Variants in CAMKMT observed in about 807,000 individuals in gnomAD.
CAMKMT encodes the protein CaM KMT.
Under a neutral mutation model 48.0 loss-of-function variants are expected in CAMKMT, and 53 were observed. The ratio of observed to expected loss-of-function variants is 1.10; its 90% confidence interval spans 0.89 to 1.39. The LOEUF (loss-of-function observed/expected upper bound fraction) is 1.39. Among genes scored for constraint, CAMKMT ranks in the 40% most tolerant of loss-of-function variants. The pLI is 0.00. For missense variants in CAMKMT, 428 were observed against 402.7 expected, an observed-to-expected ratio of 1.06 and a Z score of -0.54; for synonymous variants, 165 against 152.3, an observed-to-expected ratio of 1.08 and a Z score of -0.61.
chr2:44,393,128 A>G (rs73924734), intron 3 of CAMKMT, among the ~76,000 whole-genome samples: 3,167 of 152,262 alleles, frequency 0.021, 116 homozygotes, highest in African/African-American at 0.072. Context: ...ATTCATTGCA[A>G]ATTTTCAGAG....
intron 3 of CAMKMT, among the ~76,000 whole-genome samples, chr2:44,435,728 T>C (rs900201527): frequency 6.6e-6 from 1 of 152,226 alleles, no homozygotes; most frequent in African/African-American, 2.4e-5. Flanking sequence ...GAATGTTTAA[T>C]TTTAAGGTTA....
At chr2:44,474,718 T>C (rs763880758) in intron 3 of CAMKMT, among the ~76,000 whole-genome samples, 2 of 152,206 alleles carry the variant, frequency 1.3e-5, no homozygotes, top group African/African-American at 4.8e-5. Context: ...CCTTCCTCAC[T>C]ATGCCAGACC....
chr2:44,677,890 T>C (rs1427936718), intron 3 of CAMKMT, among the ~76,000 whole-genome samples: 1 of 152,086 alleles, frequency 6.6e-6, no homozygotes, highest in Non-Finnish European at 1.5e-5. Flanking sequence ...AGTCAATGTG[T>C]ATGTGTATTT....
chr2:44,418,559 C>T (rs1326921530), intron 3 of CAMKMT, among the ~76,000 whole-genome samples: 2 of 152,120 alleles, frequency 1.3e-5, no homozygotes, highest in East Asian at 1.9e-4. Context: ...TACCCAAATA[C>T]GTGTTAGTCT....
chr2:44,583,337 A>C (rs1012794578), intron 3 of CAMKMT, among the ~76,000 whole-genome samples: 1 of 152,176 alleles, frequency 6.6e-6, no homozygotes, highest in African/African-American at 2.4e-5. Context: ...GCATTAAGTG[A>C]CCAGTTACAT....
chr2:44,427,955 T>C (rs1067366), intron 3 of CAMKMT, among the ~76,000 whole-genome samples: 108,195 of 151,990 alleles, frequency 0.71, 39,127 homozygotes, highest in South Asian at 0.8. Context: ...GGGGTGAATG[T>C]CTTTGGGCAC....
At chr2:44,401,649 G>C (rs1682385750) in intron 3 of CAMKMT, among the ~76,000 whole-genome samples, 1 of 152,102 alleles carries the variant, frequency 6.6e-6, no homozygotes, top group Admixed American at 6.6e-5. Flanking sequence ...CAAAAAAATG[G>C]CTTGAATAAC....
At chr2:44,403,665 G>A (rs1409189032) in intron 3 of CAMKMT, among the ~76,000 whole-genome samples, 1 of 152,106 alleles carries the variant, frequency 6.6e-6, no homozygotes, top group Admixed American at 6.6e-5. Flanking sequence ...CTAATAGGTA[G>A]ATTCACTCTA....
intron 3 of CAMKMT, among the ~76,000 whole-genome samples, chr2:44,608,711 A>AT (rs1490158727): frequency 6.6e-6 from 1 of 152,088 alleles, no homozygotes; most frequent in South Asian, 2.1e-4. Context: ...AATCCACTGT[A>AT]TTTGGCTGAT....
At chr2:44,364,763 C>T (rs1678410232) in intron 1 of CAMKMT, among the ~76,000 whole-genome samples, 1 of 152,186 alleles carries the variant, frequency 6.6e-6, no homozygotes, top group South Asian at 2.1e-4. Flanking sequence ...CCGACATAGG[C>T]TGTAGTCATC....
Position 44,390,241 on chromosome 2 carries a change from G to T in CAMKMT, c.312G>T (p.Arg104Ser). ...IFCPEYSISL[R>S]HNSGSLNVED... The stretch of plus-strand genomic sequence containing the variant: ...AAGCAAACGCTTTACTCCTTTCTAG[G>T]CATAATAGTGGATCCTTGAATGTTG... The change falls in exon 3 of 11, where the codon AGG (arginine) becomes AGT (serine). Residue 104 changes from arginine (R) to serine (S), a missense_variant and splice_region_variant. By Grantham distance (110) the Arg-to-Ser change is moderately radical. Coordinates refer to ENST00000378494, the MANE Select transcript of CAMKMT (RefSeq NM_024766.5). 6.2e-7 allele frequency: 1 copy of T among 1,604,818 alleles called. No homozygotes were observed. Among genetic ancestry groups the T allele is most frequent in the Non-Finnish European group, 8.5e-7 (1 of 1,176,780 alleles).
chr2:44,578,913 T>G (rs1046659871), intron 3 of CAMKMT, among the ~76,000 whole-genome samples: 1 of 152,200 alleles, frequency 6.6e-6, no homozygotes, highest in African/African-American at 2.4e-5. Flanking sequence ...CTGTTAGCAC[T>G]GATTAAAAGT....
intron 3 of CAMKMT, among the ~76,000 whole-genome samples, chr2:44,692,687 G>A (rs1676729585): frequency 6.9e-6 from 1 of 144,978 alleles, no homozygotes; most frequent in Non-Finnish European, 1.5e-5. Flanking sequence ...TATTCAAGCT[G>A]CACTGTAACT....
chr2:44,600,181 G>A (rs1157275763), intron 3 of CAMKMT, among the ~76,000 whole-genome samples: 2 of 151,968 alleles, frequency 1.3e-5, no homozygotes, highest in Non-Finnish European at 1.5e-5. Flanking sequence ...TTAAAACTCT[G>A]CTCATAATAA....
intron 9 of CAMKMT, among the ~76,000 whole-genome samples, chr2:44,761,141 C>G (rs1330546262): frequency 5.3e-5 from 8 of 152,112 alleles, no homozygotes; most frequent in Non-Finnish European, 1.0e-4. Flanking sequence ...GTAGGGAGGC[C>G]AGAGAAGTCA....
chr2:44,374,078 A>G (rs1005705616), intron 2 of CAMKMT, among the ~76,000 whole-genome samples: 1 of 135,936 alleles, frequency 7.4e-6, no homozygotes, highest in South Asian at 2.4e-4. Flanking sequence ...GAGCTGTGCC[A>G]TTGCATTCTA....
intron 3 of CAMKMT, among the ~76,000 whole-genome samples, chr2:44,632,949 C>T (rs1031966755): frequency 6.6e-6 from 1 of 152,124 alleles, no homozygotes; most frequent in Admixed American, 6.6e-5. Context: ...ACCTTGTGAT[C>T]ATGTGAGTTA....
intron 7 of CAMKMT, among the ~76,000 whole-genome samples, chr2:44,729,418 G>A (rs1328223490): frequency 6.6e-6 from 1 of 152,116 alleles, no homozygotes; most frequent in Non-Finnish European, 1.5e-5. Flanking sequence ...TACTAAGAAG[G>A]GACTGGAGAG....
At chr2:44,550,608 G>A (rs865888995) in intron 3 of CAMKMT, 11 of 152,098 alleles carry the variant, frequency 7.2e-5, no homozygotes, top group African/African-American at 1.2e-4. Flanking sequence ...TATAGGCTCC[G>A]TCTATCTTTT....
Sources: allele counts gnomAD v4.1 joint callset (sites outside exome capture counted in the v4.1 genomes callset), GRCh38; gene constraint gnomAD v4.1.1; transcripts MANE v1.5; gene names NCBI Gene and HGNC (gene_info 2026-07-23, HGNC 2026-07-21).